The following ZFC3H1 variants were observed in gnomAD, a reference collection of about 807,000 sequenced individuals.
ZFC3H1 encodes zinc finger C3H1-type containing.
Under a neutral mutation model 243.7 loss-of-function variants are expected in ZFC3H1, and 71 were observed. The ratio of observed to expected loss-of-function variants is 0.29; its 90% confidence interval spans 0.24 to 0.36. ZFC3H1 has a LOEUF of 0.36. Ranked by LOEUF, ZFC3H1 falls within the 10% of genes least tolerant of loss-of-function variation. The pLI, the probability that ZFC3H1 is intolerant of heterozygous loss-of-function variation, is 1.00. For missense variants in ZFC3H1, 1,966 were observed against 2,317.1 expected, an observed-to-expected ratio of 0.85 and a Z score of 3.11; for synonymous variants, 838 against 813.0, an observed-to-expected ratio of 1.03 and a Z score of -0.52.
At chr12:71,638,577 GT>G in intron 6 of ZFC3H1, 62 bp from the exon 7 acceptor site, 1 of 1,323,866 alleles carries the variant, frequency 7.6e-7, no homozygotes, top group Non-Finnish European at 1.0e-6. Flanking sequence ...AATATATTAA[GT>G]TTATGTTATG....
intron 12 of ZFC3H1, 81 bp downstream of exon 12, chr12:71,634,074 A>G: frequency 7.3e-7 from 1 of 1,366,032 alleles, no homozygotes; most frequent in Non-Finnish European, 1.0e-6. Context: ...ATCTTATAGT[A>G]CGCTTATTAA....
chr12:71,635,311 A>T, intron 10 of ZFC3H1, 132 bp downstream of exon 10: 2 of 1,201,878 alleles, frequency 1.7e-6, no homozygotes, highest in Non-Finnish European at 2.2e-6. Context: ...TAATAGCACA[A>T]ATACTTAAAA....
In ZFC3H1 at chr12:71,634,253, T is replaced by C; in HGVS notation, c.2412A>G (p.Ser804=). Residue 804 remains serine (S), a synonymous_variant, in exon 12 of 35, where the codon TCA becomes TCG. Transcript: ENST00000378743. ...IKSDQLKTSS[S]SPANSDVEID... is the part of the protein sequence containing the mutation. ...TTTCCACATCAGAGTTTGCTGGGGA[T>C]GATGAACTTGTCTTCAGCTGATCTG... 2 of 1,614,080 alleles carry C rather than the reference T, an allele frequency of 1.2e-6. No homozygotes were observed. Among genetic ancestry groups the C allele is most frequent in the African/African-American group, 1.3e-5 (1 of 75,046 alleles).
Position 71,626,462 on chromosome 12 carries a change from A to G in ZFC3H1, c.4131-16T>C. 1 of 1,571,758 alleles carries G rather than the reference A, an allele frequency of 6.4e-7. No individual in the cohort carries two copies. The highest frequency in any genetic ancestry group is 8.6e-7 in the Non-Finnish European group (1 of 1,158,122). On this transcript the variant is annotated splice_polypyrimidine_tract_variant and intron_variant, in intron 21 of 34. Transcript: ENST00000378743. ...TGAGCACTCCCTGTATATATAAAAG[A>G]AAAGGTGGAAGTGCTTTTTAGAACC...
rs1003367352 is a variant in ZFC3H1, at chr12:71,663,841, G to C, written c.-231C>G. 11 of 571,204 alleles carry C rather than the reference G, an allele frequency of 1.9e-5. No homozygotes were observed. The highest frequency in any genetic ancestry group is 3.1e-5 in the Non-Finnish European group (10 of 324,710). The allele number at this position is 571,204 out of a possible 1,614,324, so 35.4% of individuals were successfully genotyped here. A position where few individuals can be genotyped will look rare whatever the true frequency, so the allele number is the denominator to read the frequency against. On this transcript the variant is annotated 5_prime_UTR_variant, in exon 1 of 35. Coordinates refer to ENST00000378743, the MANE Select transcript of ZFC3H1 (RefSeq NM_144982.5). ...AGCGCCCCCTTGCTCCTCAGCGATC[G>C]GGGTTCTTCCGCCTCGCGAGAAAGG...
chr12:71,610,908 A>T, intron 33 of ZFC3H1, 150 bp downstream of exon 33: 1 of 1,420,594 alleles, frequency 7.0e-7, no homozygotes, highest in Non-Finnish European at 9.6e-7. Context: ...TGGTACTCTT[A>T]AAATGTTAAC....
chr12:71,650,979 T>C (rs1028929044), intron 2 of ZFC3H1, among the ~76,000 whole-genome samples: 4 of 152,178 alleles, frequency 2.6e-5, no homozygotes, highest in Non-Finnish European at 5.9e-5. Context: ...TCCTTGTTAT[T>C]CCCCAAACAT....
chr12:71,626,280 C>G lies in ZFC3H1; in HGVS notation c.4297G>C (p.Asp1433His), dbSNP rs774107974. The G allele has an allele frequency of 7.4e-6, 12 of 1,613,688 alleles. No homozygotes were observed. The highest frequency in any genetic ancestry group is 1.0e-5 in the Non-Finnish European group (12 of 1,179,894). The change falls in exon 22 of 35, where the codon GAT (aspartate) becomes CAT (histidine). Residue 1433 changes from aspartate (D) to histidine (H), a missense_variant. Coordinates refer to ENST00000378743, the MANE Select transcript of ZFC3H1 (RefSeq NM_144982.5). ...MCETAVEYAP[D>H]YQSFWTFLHL... ...CTCACAGTCCAAAAGCTTTGATAATCTGGAGCATATTCAACAGCTGTTTCA... is the reference window on the plus strand; with the variant it reads ...CTCACAGTCCAAAAGCTTTGATAATGTGGAGCATATTCAACAGCTGTTTCA...
Position 71,633,292 on chromosome 12 carries a change from C to T in ZFC3H1, c.2657G>A (p.Arg886Lys). 1 of 1,590,046 alleles carries T rather than the reference C, an allele frequency of 6.3e-7. No homozygotes were observed. Among genetic ancestry groups the T allele is most frequent in the Non-Finnish European group, 8.5e-7 (1 of 1,171,874 alleles). The change falls in exon 13 of 35, where the codon AGA (arginine) becomes AAA (lysine). Residue 886 changes from arginine (R) to lysine (K), a missense_variant. Physicochemically the swap from Arg to Lys is conservative, Grantham distance 26. Transcript: ENST00000378743. ...QATEKILNVN[R>K]MFLKKLQEQI... ...TTCCTGAAGCTTCTTCAAAAACATT[C>T]TGTTAACATTAAGAATTTTTTCAGT...
intron 27 of ZFC3H1, among the ~76,000 whole-genome samples, chr12:71,618,168 G>A (rs1005833927): frequency 6.6e-6 from 1 of 152,036 alleles, no homozygotes; most frequent in Non-Finnish European, 1.5e-5. Context: ...AGGAGGCTGA[G>A]GCAGGAGAAT....
chr12:71,662,996 C>A lies in ZFC3H1; in HGVS notation c.598+17G>T, dbSNP rs375507585. ...CTTTAGTGACACACCCAGCGCCGAC[C>A]GCCACGTTAAGGATACAGCTCTTCC... On this transcript the variant is annotated intron_variant, in intron 1 of 34. Transcript: ENST00000378743. 1.9e-6 allele frequency: 3 copies of A among 1,572,642 alleles called. No homozygotes were observed. The highest frequency in any genetic ancestry group is 2.6e-6 in the Non-Finnish European group (3 of 1,160,254).
chr12:71,660,819 T>C (rs778034737), intron 1 of ZFC3H1, among the ~76,000 whole-genome samples: 35 of 152,172 alleles, frequency 2.3e-4, no homozygotes, highest in Non-Finnish European at 4.7e-4. Flanking sequence ...TCTTTGTACC[T>C]TTAAAAAACA....
At chr12:71,642,335 T>C in intron 6 of ZFC3H1, 101 bp downstream of exon 6, 1 of 1,331,386 alleles carries the variant, frequency 7.5e-7, no homozygotes, top group Non-Finnish European at 1.0e-6. Flanking sequence ...TCAGCAAATC[T>C]CACTTTCATT....
At chr12:71,651,101 T>C (rs1052537301) in intron 2 of ZFC3H1, among the ~76,000 whole-genome samples, 3 of 152,192 alleles carry the variant, frequency 2.0e-5, no homozygotes, top group African/African-American at 4.8e-5. Context: ...TAGGCCCCAT[T>C]TGCAGAGCTC....
chr12:71,657,027 T>C lies in ZFC3H1; in HGVS notation c.873A>G (p.Thr291=), dbSNP rs755846476. Residue 291 remains threonine, a synonymous_variant, in exon 2 of 35, where the codon ACA becomes ACG. Transcript: ENST00000378743. ...CAAATGCCTGAAAAGTTTTGACTTGTGTTTTCTCCTCAGGAGCTACTTCTT... is the reference window on the plus strand; with the variant it reads ...CAAATGCCTGAAAAGTTTTGACTTGCGTTTTCTCCTCAGGAGCTACTTCTT... ...SSKEVAPEEK[T]QVKTFQAFEL... is the part of the protein sequence containing the mutation. 5.0e-6 allele frequency: 8 copies of C among 1,613,940 alleles called. No homozygotes were observed. The highest frequency in any genetic ancestry group is 4.4e-5 in the South Asian group (4 of 91,068).
At chr12:71,622,163 TC>T (rs769065853) in intron 24 of ZFC3H1, among the ~76,000 whole-genome samples, 1 of 152,190 alleles carries the variant, frequency 6.6e-6, no homozygotes, top group Non-Finnish European at 1.5e-5. Context: ...TTTATTTAAC[TC>T]CCCTAACAGT....
intron 2 of ZFC3H1, among the ~76,000 whole-genome samples, chr12:71,651,074 G>A (rs1230233869): frequency 6.6e-6 from 1 of 152,164 alleles, no homozygotes; most frequent in Non-Finnish European, 1.5e-5. Flanking sequence ...CAGAAGGGCT[G>A]GTTAAATACA....
rs1446384960 is a variant in ZFC3H1 at position 71,643,373 on chromosome 12, T to C, written c.1503+722A>G. ...GGTTGCAGTGAGCCGAAACATGCCA[T>C]TGCACTCCAGCCTGGGCAACAAGAG... On this transcript the variant is annotated intron_variant, in intron 5 of 34. Coordinates refer to ENST00000378743, the MANE Select transcript of ZFC3H1 (RefSeq NM_144982.5). Among the ~76,000 whole-genome samples, 4 of 151,562 alleles carry C rather than the reference T, an allele frequency of 2.6e-5. No homozygotes were observed. The East Asian group carries it at 7.8e-4, about 29-fold the overall frequency.
Position 71,632,126 on chromosome 12 carries a change from A to C in ZFC3H1, c.3206T>G (p.Ile1069Arg). Residue 1069 changes from isoleucine to arginine, a missense_variant, in exon 15 of 35, where the codon ATA becomes AGA. By Grantham distance (97) the Ile-to-Arg change is moderately conservative (BLOSUM62 -3). Transcript: ENST00000378743. ...TACAGTATTTTTATTAAGTTTGTTT[A>C]TGCATTCTTTGTTAGCAGTATCAGT... ...KHTDTANKEC[I>R]NKLNKNTVEK... is the part of the protein sequence containing the mutation. The C allele has an allele frequency of 6.2e-7, 1 of 1,609,896 alleles. No individual in the cohort carries two copies. The highest frequency in any genetic ancestry group is 1.7e-5 in the Admixed American group (1 of 58,668).
Sources: gnomAD v4.1 joint callset for allele counts (sites outside exome capture counted in the v4.1 genomes callset) on GRCh38, gnomAD v4.1.1 for gene constraint, MANE v1.5 for transcripts, NCBI Gene and HGNC (gene_info 2026-07-23, HGNC 2026-07-21) for gene names.